NOS1: variants seen among roughly 807,000 people sequenced by gnomAD.
The protein encoded by NOS1 is NOS type I.
Under a neutral mutation model 164.5 loss-of-function variants are expected in NOS1, and 51 were observed. That is an observed-to-expected ratio of 0.31 (90% CI 0.25 to 0.39). The LOEUF is 0.39. Among genes scored for constraint, NOS1 ranks in the 10% least tolerant of loss-of-function variants. The pLI, the probability that NOS1 is intolerant of heterozygous loss-of-function variation, is 1.00. For missense variants in NOS1, 1,362 were observed against 1,885.6 expected, an observed-to-expected ratio of 0.72 and a Z score of 5.14; for synonymous variants, 719 against 745.8, an observed-to-expected ratio of 0.96 and a Z score of 0.59.
At chr12:117,286,061 C>T (rs1874091428) in intron 6 of NOS1, 43 bp downstream of exon 6, 1 of 1,605,986 alleles carries the variant, frequency 6.2e-7, no homozygotes, top group South Asian at 1.1e-5. Context: ...TCCCCTCTTC[C>T]CTCATTTAAG....
At chr12:117,335,473 C>T (rs951178519) in intron 1 of NOS1, among the ~76,000 whole-genome samples, 2 of 152,126 alleles carry the variant, frequency 1.3e-5, no homozygotes, top group Non-Finnish European at 2.9e-5. Flanking sequence ...ATTGCATTTA[C>T]CTTGCTGTGA....
chr12:117,292,365 G>A (rs1215841754), intron 3 of NOS1, among the ~76,000 whole-genome samples: 3 of 152,084 alleles, frequency 2.0e-5, no homozygotes, highest in African/African-American at 7.2e-5. Flanking sequence ...TGGCTGGAGT[G>A]TATGCATGAG....
In NOS1 at chr12:117,213,198, T is replaced by C. The variant is rs1430608180; in HGVS notation, c.*2111A>G. The C allele has an allele frequency of 2.0e-6, 2 of 985,340 alleles. No homozygotes were observed. The highest frequency in any genetic ancestry group is 1.7e-5 in the African/African-American group (1 of 57,250). The allele number at this position is 985,340 out of a possible 1,614,324, so 61.0% of individuals were successfully genotyped here. The stretch of plus-strand genomic sequence containing the variant: ...TGGGAAGCACTGATCAATTTGTCTT[T>C]AATGGGGATTGGACACAACAGTTTC... On this transcript the variant is annotated 3_prime_UTR_variant, in exon 29 of 29. Transcript: ENST00000317775.
At chr12:117,306,991 T>C (rs1566069126) in intron 3 of NOS1, among the ~76,000 whole-genome samples, 1 of 152,230 alleles carries the variant, frequency 6.6e-6, no homozygotes, top group South Asian at 2.1e-4. Flanking sequence ...TTCAAAACCC[T>C]GAGGTCCTGT....
chr12:117,339,948 T>C (rs1350327284), intron 1 of NOS1, among the ~76,000 whole-genome samples: 1 of 152,154 alleles, frequency 6.6e-6, no homozygotes, highest in African/African-American at 2.4e-5. Flanking sequence ...AGGCTAGAAA[T>C]TGGGTGGGAA....
In NOS1 at chr12:117,258,418, T is replaced by G. The variant is rs77828469; in HGVS notation, c.2510A>C (p.Asn837Thr). Residue 837 changes from asparagine to threonine, a missense_variant, in exon 16 of 29, where the codon AAC becomes ACC. Transcript: ENST00000317775. The part of the protein sequence containing the change: ...GCALMEMRHP[N>T]SVQEERKSYK... ...TTACTTCCTTTCTTCCTGCACAGAG[T>G]TGGGGTGCCTCATTTCCATCAAAGC... 5 of 1,613,882 alleles carry G rather than the reference T, an allele frequency of 3.1e-6. No homozygotes were observed. The highest frequency in any genetic ancestry group is 4.2e-6 in the Non-Finnish European group (5 of 1,179,990).
At position 117,226,714 on chromosome 12, in the gene NOS1, C is replaced by T. The variant is rs368758207; in HGVS notation, c.3673G>A (p.Ala1225Thr). 1 of 1,614,058 alleles carries T rather than the reference C, an allele frequency of 6.2e-7. No homozygotes were observed. Among genetic ancestry groups the T allele is most frequent in the Non-Finnish European group, 8.5e-7 (1 of 1,179,960 alleles). Residue 1225 changes from alanine to threonine, a missense_variant, in exon 24 of 29, where the codon GCT becomes ACT. Around this residue, in one of 4 missense-constraint regions of NOS1, gnomAD observed 737 missense variants for 1,030.3 expected, o/e 0.72. Transcript: ENST00000317775. ...VCSSWLNRIQ[A>T]DELVPCFVRG... ...ACGAAACAGGGGACCAGTTCGTCAG[C>T]CTGTATCCGGTTGAGCCAGGAGGAG...
rs755159260 is a variant in NOS1, at chr12:117,242,667, G to A, written c.3001C>T (p.Arg1001Trp). The A allele has an allele frequency of 9.3e-6, 15 of 1,614,136 alleles. No homozygotes were observed. The highest frequency in any genetic ancestry group is 5.5e-5 in the South Asian group (5 of 91,086). Residue 1001 changes from arginine to tryptophan, a missense_variant, in exon 20 of 29, where the codon CGG becomes TGG. Arg to Trp is a moderately radical substitution (Grantham distance 101). Around this residue, in one of 4 missense-constraint regions of NOS1, gnomAD observed 737 missense variants for 1,030.3 expected, o/e 0.72. Transcript: ENST00000317775. ...TGGAGGTTTTGACGGCTAAGGAGCC[G>A]GGCAGCTGAGACTCGCTTTTTGTGG... ...NVHKKRVSAA[R>W]LLSRQNLQSP...
In NOS1 at chr12:117,208,642, T is replaced by G; in HGVS notation, c.*6667A>C. On this transcript the variant is annotated 3_prime_UTR_variant, in exon 29 of 29. Transcript: ENST00000317775. Reference sequence around the variant, plus strand: ...TGAGACCCAGCTCAAGAGCACTGGATCTCAGTGAGTCTTAATCAGAACCAA... The same window carrying G: ...TGAGACCCAGCTCAAGAGCACTGGAGCTCAGTGAGTCTTAATCAGAACCAA... The G allele has an allele frequency of 8.6e-7, 1 of 1,156,676 alleles. No homozygotes were observed. Among genetic ancestry groups the G allele is most frequent in the Non-Finnish European group, 1.1e-6 (1 of 924,454 alleles). The allele number at this position is 1,156,676 out of a possible 1,614,324, so 71.7% of individuals were successfully genotyped here. A position where few individuals can be genotyped will look rare whatever the true frequency, so the allele number is the denominator to read the frequency against.
chr12:117,273,534 A>C (rs1872944858), intron 9 of NOS1, among the ~76,000 whole-genome samples: 1 of 152,130 alleles, frequency 6.6e-6, no homozygotes, highest in Admixed American at 6.5e-5. Context: ...TTTTGCACCA[A>C]CTGAATAGTT....
In NOS1 at chr12:117,212,406, G is replaced by GA. The variant is rs1956543190; in HGVS notation, c.*2902dup. The GA allele has an allele frequency of 2.0e-6, 2 of 985,292 alleles. No individual in the cohort carries two copies. The highest frequency in any genetic ancestry group is 2.4e-6 in the Non-Finnish European group (2 of 829,938). 61.0% of individuals were successfully genotyped at this position (985,292 alleles called of 1,614,324 possible). ...CTGAAGTGTCCCCCCGCAAAAGAAA[G>GA]ACACCTGGCTGTCTCACTCCAGGGA... is the stretch of plus-strand genomic sequence containing the variant. On this transcript the variant is annotated 3_prime_UTR_variant, in exon 29 of 29. Transcript: ENST00000317775.
At chr12:117,291,565 G>T (rs1454824616) in intron 3 of NOS1, among the ~76,000 whole-genome samples, 1 of 129,184 alleles carries the variant, frequency 7.7e-6, no homozygotes, top group Non-Finnish European at 1.6e-5. Flanking sequence ...ATAGGGTCTT[G>T]CTCTGTCACA....
At chr12:117,313,281 G>A (rs1479547678) in intron 2 of NOS1, among the ~76,000 whole-genome samples, 1 of 152,224 alleles carries the variant, frequency 6.6e-6, no homozygotes, top group East Asian at 1.9e-4. Context: ...TCAAACCCAG[G>A]CTTGTTCTGG....
chr12:117,311,362 A>G (rs2136055063), intron 3 of NOS1, 104 bp downstream of exon 3: 2 of 1,345,710 alleles, frequency 1.5e-6, no homozygotes, highest in East Asian at 5.5e-5. Flanking sequence ...GATTTCCATC[A>G]TGACACAGTT....
rs531241955 is a variant in NOS1 at position 117,319,603 on chromosome 12, G to A, written c.726-8011C>T. On this transcript the variant is annotated intron_variant, in intron 2 of 28. Coordinates refer to ENST00000317775, the MANE Select transcript of NOS1 (RefSeq NM_000620.5). The stretch of plus-strand genomic sequence containing the variant: ...CTCCTGCCACTGGTTGCCTCACAAA[G>A]ATGTAGATTCTGTGTTAACAGTTCT... Among the ~76,000 whole-genome samples, 9 of 152,348 alleles carry A rather than the reference G, an allele frequency of 5.9e-5. No individual in the cohort carries two copies. The East Asian group carries it at 1.5e-3, about 26-fold the overall frequency.
chr12:117,301,730 T>C (rs757105659), intron 3 of NOS1, among the ~76,000 whole-genome samples: 1 of 152,124 alleles, frequency 6.6e-6, no homozygotes, highest in Non-Finnish European at 1.5e-5. Flanking sequence ...TTGATTTCAA[T>C]GAGTGACAAA....
At position 117,290,429 on chromosome 12, in the gene NOS1, G is replaced by T. The variant is rs777029534; in HGVS notation, c.853-3C>A. On this transcript the variant is annotated splice_region_variant and splice_polypyrimidine_tract_variant and intron_variant, in intron 3 of 28. Coordinates refer to ENST00000317775, the MANE Select transcript of NOS1 (RefSeq NM_000620.5). The stretch of plus-strand genomic sequence containing the variant: ...GACTGTTTTCCTGAGGTGGGGGGCT[G>T]CAGGAGAGAATGAAGGTGGAAGATG... 5.6e-6 allele frequency: 9 copies of T among 1,609,694 alleles called. No individual in the cohort carries two copies. The Admixed American group carries it at 1.5e-4, about 27-fold the overall frequency.
chr12:117,247,635 TCTC>T (rs1388665904), intron 17 of NOS1, 113 bp from the exon 18 acceptor site: 11 of 891,444 alleles, frequency 1.2e-5, no homozygotes, highest in Middle Eastern at 3.4e-4. Context: ...AAAACTCTAA[TCTC>T]CTCACAATTG....
At chr12:117,267,950 G>A (rs903632786) in intron 11 of NOS1, 93 bp downstream of exon 11, 2 of 866,526 alleles carry the variant, frequency 2.3e-6, no homozygotes, top group Non-Finnish European at 3.8e-6. Flanking sequence ...GTGGTTTCTG[G>A]CAGTGAGGTC....
Sources: gnomAD v4.1 joint callset for allele counts (sites outside exome capture counted in the v4.1 genomes callset) on GRCh38, gnomAD v4.1.1 for gene constraint, gnomAD v4.1.1 regional missense constraint, MANE v1.5 for transcripts, NCBI Gene and HGNC (gene_info 2026-07-23, HGNC 2026-07-21) for gene names.